The following HELZ variants were observed in gnomAD, a reference collection of about 807,000 sequenced individuals.
The protein encoded by HELZ is helicase with zinc finger.
HELZ carries 23 observed loss-of-function variants against 218.2 expected under a neutral mutation model. The observed-to-expected ratio is 0.11, with a 90% CI of 0.08 to 0.15. The LOEUF is 0.15. HELZ is among the 10% of genes least tolerant of loss of function. The pLI, the probability that HELZ is intolerant of heterozygous loss-of-function variation, is 1.00. For missense variants in HELZ, 1,813 were observed against 2,353.7 expected, an observed-to-expected ratio of 0.77 and a Z score of 4.75; for synonymous variants, 814 against 829.4, an observed-to-expected ratio of 0.98 and a Z score of 0.32.
chr17:67,162,750 T>A (rs1189253845), intron 15 of HELZ, among the ~76,000 whole-genome samples: 7 of 151,484 alleles, frequency 4.6e-5, no homozygotes, highest in African/African-American at 1.5e-4. Context: ...TTTTTTTTTT[T>A]AACTAAAGAA....
At chr17:67,091,320 T>C (rs746869976) in intron 31 of HELZ, among the ~76,000 whole-genome samples, 3 of 152,118 alleles carry the variant, frequency 2.0e-5, no homozygotes, top group Non-Finnish European at 4.4e-5. Context: ...AAGGCCTCAA[T>C]TCATTACTCT....
At chr17:67,154,256 C>T (rs771382068) in intron 17 of HELZ, among the ~76,000 whole-genome samples, 1 of 152,068 alleles carries the variant, frequency 6.6e-6, no homozygotes, top group African/African-American at 2.4e-5. Context: ...GGCAAAACCC[C>T]GTATCTACTA....
At chr17:67,210,041 A>G (rs2040411173) in intron 5 of HELZ, among the ~76,000 whole-genome samples, 1 of 152,078 alleles carries the variant, frequency 6.6e-6, no homozygotes, top group African/African-American at 2.4e-5. Context: ...AACAAAGCAA[A>G]ACCCCATCTC....
intron 23 of HELZ, among the ~76,000 whole-genome samples, chr17:67,129,132 T>C (rs538880962): frequency 2.0e-5 from 3 of 152,210 alleles, no homozygotes; most frequent in African/African-American, 7.2e-5. Flanking sequence ...TACTCACCTA[T>C]CCACACTAAT....
At chr17:67,163,697 C>T (rs1448234414) in intron 15 of HELZ, among the ~76,000 whole-genome samples, 2 of 151,814 alleles carry the variant, frequency 1.3e-5, no homozygotes, top group Non-Finnish European at 2.9e-5. Flanking sequence ...CCACCGCACC[C>T]AACCTATTTA....
chr17:67,210,297 G>C (rs1348585112), intron 5 of HELZ, among the ~76,000 whole-genome samples: 1 of 152,202 alleles, frequency 6.6e-6, no homozygotes, highest in South Asian at 2.1e-4. Flanking sequence ...AGAGAGTACA[G>C]AAGTTTCAAC....
intron 23 of HELZ, among the ~76,000 whole-genome samples, chr17:67,129,408 T>C (rs1172896426): frequency 6.6e-6 from 1 of 152,006 alleles, no homozygotes; most frequent in East Asian, 1.9e-4. Flanking sequence ...ATACCACATG[T>C]ATGTGTAATC....
chr17:67,138,963 A>C (rs2038236054), intron 21 of HELZ, among the ~76,000 whole-genome samples: 1 of 152,176 alleles, frequency 6.6e-6, no homozygotes, highest in Admixed American at 6.6e-5. Flanking sequence ...AGAGAGTCAT[A>C]ATAAAAAAAA....
chr17:67,146,262 TAGAC>T (rs2038493813), intron 20 of HELZ, among the ~76,000 whole-genome samples: 1 of 152,210 alleles, frequency 6.6e-6, no homozygotes, highest in Non-Finnish European at 1.5e-5. Flanking sequence ...TAGTCAACAA[TAGAC>T]AGTACATATG....
chr17:67,240,629 A>G (rs1037490551), intron 2 of HELZ, among the ~76,000 whole-genome samples: 4 of 152,370 alleles, frequency 2.6e-5, no homozygotes, highest in Non-Finnish European at 4.4e-5. Flanking sequence ...AATATAGCAC[A>G]GAAATGACAA....
At chr17:67,144,484 T>TAA (rs202236292) in intron 21 of HELZ, among the ~76,000 whole-genome samples, 15 of 129,452 alleles carry the variant, frequency 1.2e-4, no homozygotes, top group Admixed American at 7.6e-4. Context: ...GAACAAATAT[T>TAA]AAAAAAAAAA....
In HELZ at chr17:67,109,347, A is replaced by G. The variant is rs1456667651; in HGVS notation, c.4258T>C (p.Ser1420Pro). Residue 1420 changes from serine to proline, a missense_variant, in exon 29 of 33, where the codon TCT becomes CCT. This residue lies in a region of HELZ where 938 missense variants were observed against 1,027.5 expected (regional missense o/e 0.91). Coordinates refer to ENST00000358691, the MANE Select transcript of HELZ (RefSeq NM_014877.4). The stretch of plus-strand genomic sequence containing the variant: ...TTGGGTCCCGCCTGATATGCAGGAG[A>G]AAGCTGAGGAGGTGGCTGCTGAGGC... ...QQPQQPPPQL[S>P]PAYQAGPNNA... 6.2e-7 allele frequency: 1 copy of G among 1,614,098 alleles called. No homozygotes were observed. Among genetic ancestry groups the G allele is most frequent in the Admixed American group, 1.7e-5 (1 of 60,010 alleles).
intron 12 of HELZ, 110 bp from the exon 13 acceptor site, chr17:67,179,036 T>C (rs2039535795): frequency 4.4e-6 from 3 of 679,770 alleles, no homozygotes; most frequent in Admixed American, 6.6e-5. Flanking sequence ...TTGTATATGC[T>C]AGAGCTCAAA....
intron 20 of HELZ, among the ~76,000 whole-genome samples, chr17:67,147,238 TG>T (rs994781729): frequency 4.6e-5 from 7 of 152,188 alleles, no homozygotes; most frequent in Admixed American, 6.5e-5. Flanking sequence ...TTTCCAGAAT[TG>T]CCCCTGTGGT....
chr17:67,226,266 A>G (rs1235814866), intron 3 of HELZ, among the ~76,000 whole-genome samples: 2 of 151,426 alleles, frequency 1.3e-5, no homozygotes, highest in Non-Finnish European at 2.9e-5. Context: ...TCAAAAAAAA[A>G]AAAAAGAAAA....
chr17:67,166,420 C>CTCT (rs2039145585), intron 15 of HELZ, 58 bp downstream of exon 15: 6 of 1,421,404 alleles, frequency 4.2e-6, no homozygotes, highest in South Asian at 1.2e-5. Flanking sequence ...TTATTTGATA[C>CTCT]AGATATTCAA....
At chr17:67,184,790 T>TG (rs1335620305) in intron 12 of HELZ, among the ~76,000 whole-genome samples, 4 of 151,784 alleles carry the variant, frequency 2.6e-5, no homozygotes, top group African/African-American at 9.7e-5. Context: ...CACTCCAGCC[T>TG]GGGCAACAGA....
At chr17:67,082,741 A>T (rs2036233263) in intron 32 of HELZ, among the ~76,000 whole-genome samples, 1 of 152,084 alleles carries the variant, frequency 6.6e-6, no homozygotes, top group African/African-American at 2.4e-5. Context: ...ATAATATATA[A>T]AATAAACATG....
intron 5 of HELZ, among the ~76,000 whole-genome samples, chr17:67,206,763 C>G (rs1251267430): frequency 6.7e-6 from 1 of 149,844 alleles, no homozygotes; most frequent in Non-Finnish European, 1.5e-5. Flanking sequence ...CCATACTCGG[C>G]TAATTTTGTA....
Sources: allele counts gnomAD v4.1 joint callset (sites outside exome capture counted in the v4.1 genomes callset), GRCh38; gene constraint gnomAD v4.1.1; regional missense constraint gnomAD v4.1.1; transcripts MANE v1.5; gene names NCBI Gene and HGNC (gene_info 2026-07-23, HGNC 2026-07-21).